The following PCGF2 variants were observed in gnomAD, a reference collection of about 807,000 sequenced individuals.
The protein encoded by PCGF2 is polycomb group RING finger protein 2.
Under a neutral mutation model 36.1 loss-of-function variants are expected in PCGF2, and 8 were observed. That is an observed-to-expected ratio of 0.22 (90% CI 0.13 to 0.40). PCGF2 has a LOEUF of 0.40. PCGF2 is among the 10% of genes least tolerant of loss of function. The pLI, the probability that PCGF2 is intolerant of heterozygous loss-of-function variation, is 1.00. For synonymous variants in PCGF2, 198 were observed against 191.2 expected, an observed-to-expected ratio of 1.04 and a Z score of -0.29; for missense variants, 436 against 475.9, an observed-to-expected ratio of 0.92 and a Z score of 0.78.
At chr17:38,748,681 T>C (rs1907724532), upstream of PCGF2, among the ~76,000 whole-genome samples, 1 of 152,132 alleles carries the variant, frequency 6.6e-6, no homozygotes. Flanking sequence ...GACACTGTGA[T>C]GCCCATCCCT....
At chr17:38,744,199 G>A (rs1441410094) in intron 2 of PCGF2, among the ~76,000 whole-genome samples, 1 of 152,150 alleles carries the variant, frequency 6.6e-6, no homozygotes, top group African/African-American at 2.4e-5. Context: ...GGGCCCTGAG[G>A]CCCTGGGTCT....
upstream of PCGF2, among the ~76,000 whole-genome samples, chr17:38,748,571 C>T (rs1206565837): frequency 6.6e-6 from 1 of 152,134 alleles, no homozygotes; most frequent in African/African-American, 2.4e-5. Context: ...GACGAGACCC[C>T]TCCCTTCCCA....
intron 9 of PCGF2, 31 bp from the exon 10 acceptor site, chr17:38,736,201 C>T (rs753139286): frequency 6.8e-7 from 1 of 1,468,532 alleles, no homozygotes; most frequent in Non-Finnish European, 9.4e-7. Context: ...ACACCATGAC[C>T]CTGGCCAGCT....
At chr17:38,742,234 G>A (rs1907248988) in intron 2 of PCGF2, among the ~76,000 whole-genome samples, 1 of 152,158 alleles carries the variant, frequency 6.6e-6, no homozygotes, top group African/African-American at 2.4e-5. Flanking sequence ...GCCCAGGGGT[G>A]GGGCTTGGGA....
At position 38,740,302 on chromosome 17, in the gene PCGF2, C is replaced by T; in HGVS notation, c.101G>A (p.Cys34Tyr). The change falls in exon 3 of 11, where the codon TGC (cysteine) becomes TAC (tyrosine). Residue 34 changes from cysteine (C) to tyrosine (Y), a missense_variant. Around this residue, in one of 3 missense-constraint regions of PCGF2, gnomAD observed 189 missense variants for 219.3 expected, o/e 0.86. Transcript: ENST00000620225. ...TCCCCCCAACTCACAGGAATGCAGGCACTCCACGATAGTGGTGGCGTCGAT... is the reference window on the plus strand; with the variant it reads ...TCCCCCCAACTCACAGGAATGCAGGTACTCCACGATAGTGGTGGCGTCGAT... Reference protein sequence around the residue: ...YFIDATTIVECLHSFCKTCIV... With the variant: ...YFIDATTIVEYLHSFCKTCIV... The T allele has an allele frequency of 6.2e-7, 1 of 1,613,018 alleles. No homozygotes were observed. Among genetic ancestry groups the T allele is most frequent in the Non-Finnish European group, 8.5e-7 (1 of 1,179,078 alleles).
At chr17:38,747,614 G>T (rs1469994240) in intron 2 of PCGF2, among the ~76,000 whole-genome samples, 1 of 152,010 alleles carries the variant, frequency 6.6e-6, no homozygotes, top group Non-Finnish European at 1.5e-5. Context: ...GCGGGGGGAG[G>T]TGCCCGAGAG....
chr17:38,735,183 T>A lies in PCGF2; in HGVS notation c.*40A>T. The A allele has an allele frequency of 2.3e-6, 3 of 1,285,640 alleles. No individual in the cohort carries two copies. The highest frequency in any genetic ancestry group is 3.0e-6 in the Non-Finnish European group (3 of 1,001,052). The allele number at this position is 1,285,640 out of a possible 1,614,324, so 79.6% of individuals were successfully genotyped here. A position where few individuals can be genotyped will look rare whatever the true frequency, so the allele number is the denominator to read the frequency against. ...AAGGGCCCAGAAAAAGTGGAAGGAG[T>A]GGAGAGGCTTGGCTGGAAGAAGGGA... is the stretch of plus-strand genomic sequence containing the variant. On this transcript the variant is annotated 3_prime_UTR_variant, in exon 11 of 11. Coordinates refer to ENST00000620225, the MANE Select transcript of PCGF2 (RefSeq NM_007144.3).
In PCGF2 at chr17:38,739,153, G is replaced by A. The variant is rs772136069; in HGVS notation, c.266-35C>T. 5 of 1,613,952 alleles carry A rather than the reference G, an allele frequency of 3.1e-6. No individual in the cohort carries two copies. In the African/African-American group the frequency reaches 6.7e-5, roughly 22 times the overall value. On this transcript the variant is annotated intron_variant, in intron 5 of 10. Transcript: ENST00000620225. The surrounding 1 kb of genome is among the most constrained non-coding windows in gnomAD (Gnocchi z 4.0). ...GGCAGCAGGATGAGGACAGGGCCAT[G>A]GGTTGGGAAATGGGGTCAGTGGAGG...
Position 38,735,568 on chromosome 17 carries a change from C to A in PCGF2, c.690G>T (p.Gln230His). Reference sequence around the variant, plus strand: ...CTAGGGTGAGCCGCTTGCAGGCTGGCTGGACACGGTACTTGAGGGGGAGAG... The same window carrying A: ...CTAGGGTGAGCCGCTTGCAGGCTGGATGGACACGGTACTTGAGGGGGAGAG... ...NGPLPLKYRV[Q>H]PACKRLTLAT... The change falls in exon 11 of 11, where the codon CAG (glutamine) becomes CAT (histidine). Residue 230 changes from glutamine (Q) to histidine (H), a missense_variant. By Grantham distance (24) the Gln-to-His change is conservative (BLOSUM62 0). Coordinates refer to ENST00000620225, the MANE Select transcript of PCGF2 (RefSeq NM_007144.3). 6.3e-7 allele frequency: 1 copy of A among 1,582,940 alleles called. No homozygotes were observed. The highest frequency in any genetic ancestry group is 8.6e-7 in the Non-Finnish European group (1 of 1,163,628).
intron 2 of PCGF2, among the ~76,000 whole-genome samples, chr17:38,747,226 C>G (rs1053907561): frequency 6.6e-6 from 1 of 152,066 alleles, no homozygotes; most frequent in Non-Finnish European, 1.5e-5. Flanking sequence ...CCCGGGCCCA[C>G]CGTGGAGACA....
chr17:38,744,357 CT>C (rs959325544), intron 2 of PCGF2, among the ~76,000 whole-genome samples: 4 of 149,954 alleles, frequency 2.7e-5, no homozygotes, highest in South Asian at 2.1e-4. Flanking sequence ...CTCTCTCTCT[CT>C]TTTTTTTTTC....
At position 38,739,661 on chromosome 17, in the gene PCGF2, C is replaced by T. The variant is rs145569563; in HGVS notation, c.134G>A (p.Arg45His). 22 of 1,613,868 alleles carry T rather than the reference C, an allele frequency of 1.4e-5. No individual in the cohort carries two copies. The highest frequency in any genetic ancestry group is 6.7e-5 in the East Asian group (3 of 44,898). ...GCAGTATTTGTTGGTCTCCAGGTAG[C>T]GCACGATGCAGGTTTTGCAGACTTG... ...LHSFCKTCIV[R>H]YLETNKYCPM... The change falls in exon 4 of 11, where the codon CGC becomes CAC. Residue 45 changes from arginine (R) to histidine (H), a missense_variant. This residue lies in a region of PCGF2 where 189 missense variants were observed against 219.3 expected (regional missense o/e 0.86). Coordinates refer to ENST00000620225, the MANE Select transcript of PCGF2 (RefSeq NM_007144.3). The surrounding 1 kb of genome is among the most constrained non-coding windows in gnomAD (Gnocchi z 4.0).
intron 2 of PCGF2, among the ~76,000 whole-genome samples, chr17:38,744,044 C>T (rs1241405924): frequency 6.6e-6 from 1 of 152,126 alleles, no homozygotes; most frequent in Non-Finnish European, 1.5e-5. Flanking sequence ...ACAGGTCAGT[C>T]CCAACTGTGT....
At chr17:38,747,587 A>C in intron 2 of PCGF2, among the ~76,000 whole-genome samples, 2 of 144,260 alleles carry the variant, frequency 1.4e-5, no homozygotes, top group East Asian at 2.4e-4. Flanking sequence ...CGGCGCCGGG[A>C]CGGGGAGCGG....
chr17:38,740,770 GAAA>G (rs987777709), intron 2 of PCGF2, among the ~76,000 whole-genome samples: 10 of 151,170 alleles, frequency 6.6e-5, no homozygotes, highest in African/African-American at 2.4e-4. Flanking sequence ...AAAAAGAAAA[GAAA>G]AAAGAAACCC....
chr17:38,740,547 C>T (rs1029232439), intron 2 of PCGF2, 105 bp from the exon 3 acceptor site: 13 of 733,914 alleles, frequency 1.8e-5, no homozygotes, highest in Admixed American at 3.0e-5. Context: ...ATCACGAGGT[C>T]AGGAGATTGA....
rs1301191804 is a variant in PCGF2 at position 38,735,949 on chromosome 17, T to C, written c.657+141A>G. ...AGAGATGGCCCAGAGGCTGACCTGC[T>C]GTAGCAAGCCACCCTGGACATGCAG... On this transcript the variant is annotated intron_variant, in intron 10 of 10. Transcript: ENST00000620225. 3 of 684,048 alleles carry C rather than the reference T, an allele frequency of 4.4e-6. No individual in the cohort carries two copies. The Admixed American group carries it at 6.7e-5, about 15-fold the overall frequency. 42.4% of individuals were successfully genotyped at this position (684,048 alleles called of 1,614,324 possible).
chr17:38,744,210 G>A (rs1907392702), intron 2 of PCGF2, among the ~76,000 whole-genome samples: 1 of 152,172 alleles, frequency 6.6e-6, no homozygotes, highest in Non-Finnish European at 1.5e-5. Context: ...CCCTGGGTCT[G>A]GCTATTGCTA....
intron 2 of PCGF2, among the ~76,000 whole-genome samples, chr17:38,744,357 CTTT>C (rs959325544): frequency 1.3e-5 from 2 of 149,976 alleles, no homozygotes; most frequent in African/African-American, 4.9e-5. Flanking sequence ...CTCTCTCTCT[CTTT>C]TTTTTTTCTT....
Sources: allele counts gnomAD v4.1 joint callset (sites outside exome capture counted in the v4.1 genomes callset), GRCh38; gene constraint gnomAD v4.1.1; regional missense constraint gnomAD v4.1.1; non-coding constraint Gnocchi (gnomAD v3.1); transcripts MANE v1.5; gene names NCBI Gene and HGNC (gene_info 2026-07-23, HGNC 2026-07-21).